The following ATP6AP2 variants were observed in gnomAD, a reference collection of about 807,000 sequenced individuals.
The protein encoded by ATP6AP2 is ATPase H+ transporting accessory protein 2.
In ATP6AP2, 1 loss-of-function variant was observed where a neutral mutation model predicts 23.4. The ratio of observed to expected loss-of-function variants is 0.04; its 90% CI spans 0.02 to 0.20. The LOEUF (loss-of-function observed/expected upper bound fraction) is 0.20, where lower values mean the gene tolerates loss of function less well. Ranked by LOEUF, ATP6AP2 falls within the 10% of genes least tolerant of loss-of-function variation. The pLI is 1.00. For synonymous variants in ATP6AP2, 90 were observed against 97.1 expected, an observed-to-expected ratio of 0.93 and a Z score of 0.43; for missense variants, 174 against 271.3, an observed-to-expected ratio of 0.64 and a Z score of 2.52.
At chrX:40,600,931 T>TAAAAA (rs10590549) in intron 8 of ATP6AP2, 50 bp downstream of exon 8, 62 of 968,396 alleles carry the variant, frequency 6.4e-5, no homozygotes, top group Non-Finnish European at 7.8e-5. Context: ...TAACTTCTTA[T>TAAAAA]AAAAAAAAAA....
At chrX:40,592,866 C>A (rs1174778892) in intron 3 of ATP6AP2, among the ~76,000 whole-genome samples, 1 of 110,392 alleles carries the variant, frequency 9.1e-6, no homozygotes, top group Non-Finnish European at 1.9e-5. Context: ...CAAATCTCAA[C>A]AAACAATAAA....
chrX:40,590,482 G>C (rs1209566874), intron 2 of ATP6AP2: 1 of 111,684 alleles, frequency 9.0e-6, no homozygotes, highest in Non-Finnish European at 1.9e-5. Context: ...AGGTTCAAGA[G>C]ATTCTCCCAC....
chrX:40,597,860 A>G, intron 5 of ATP6AP2, 196 bp downstream of exon 5: 1 of 405,188 alleles, frequency 2.5e-6, no homozygotes, highest in Non-Finnish European at 4.3e-6. Context: ...TACTACTTGA[A>G]ATTTTGGAAA....
chrX:40,599,501 TTTAG>T, intron 6 of ATP6AP2, 87 bp from the exon 7 acceptor site: 5 of 1,061,512 alleles, frequency 4.7e-6, no homozygotes, highest in Non-Finnish European at 6.5e-6. Flanking sequence ...TTTAGCCTAG[TTTAG>T]TTAGGCATAA....
intron 1 of ATP6AP2, among the ~76,000 whole-genome samples, chrX:40,588,541 C>T (rs1926538925): frequency 1.8e-5 from 2 of 111,041 alleles, no homozygotes; most frequent in Non-Finnish European, 3.8e-5. Flanking sequence ...TTAGTCTGTG[C>T]CTGGGCTTTG....
At chrX:40,586,678 T>G (rs990217588) in intron 1 of ATP6AP2, among the ~76,000 whole-genome samples, 8 of 112,099 alleles carry the variant, frequency 7.1e-5, no homozygotes, top group African/African-American at 1.9e-4. Context: ...TGAGGTGGTG[T>G]CCCCATCACT....
intron 1 of ATP6AP2, among the ~76,000 whole-genome samples, chrX:40,582,897 A>G (rs772757580): frequency 1.8e-5 from 2 of 112,180 alleles, no homozygotes; most frequent in Non-Finnish European, 3.8e-5. Flanking sequence ...CCGAGTTCAT[A>G]CAGAACAAGA....
intron 3 of ATP6AP2, among the ~76,000 whole-genome samples, chrX:40,594,085 CA>C (rs200265474): frequency 3.6e-5 from 4 of 110,106 alleles, no homozygotes; most frequent in Non-Finnish European, 7.6e-5. Flanking sequence ...ACTTTTACCA[CA>C]AAAAAAATAT....
chrX:40,589,302 G>A, intron 2 of ATP6AP2, 186 bp downstream of exon 2: 1 of 478,017 alleles, frequency 2.1e-6, no homozygotes, highest in South Asian at 3.7e-5. Flanking sequence ...GGAGGCCGAG[G>A]TGGGAGGCTC....
chrX:40,600,470 G>T (rs1250979600), intron 7 of ATP6AP2: 5 of 165,464 alleles, frequency 3.0e-5, no homozygotes, highest in Admixed American at 7.6e-5. Flanking sequence ...CTTGCTTATT[G>T]TAAGATGTAG....
chrX:40,584,540 G>A (rs1464680689), intron 1 of ATP6AP2, among the ~76,000 whole-genome samples: 1 of 110,453 alleles, frequency 9.1e-6, no homozygotes, highest in African/African-American at 3.3e-5. Context: ...GAATGCAATG[G>A]CATGATCTTG....
In ATP6AP2 at chrX:40,595,657, T is replaced by TCA. The variant is rs1273692239; in HGVS notation, c.301-1592_301-1591insCA. 3.6e-5 allele frequency among the ~76,000 whole-genome samples: 4 copies of TCA among 111,698 alleles called. No individual in the cohort carries two copies. In the Admixed American group the frequency reaches 3.8e-4, roughly 11 times the overall value. ...GGAAAGTTTGCATCATTTGCTCATGTATTCCCCTCACAGCCTGAGGAGGTA... is the reference window on the plus strand; with the variant it reads ...GGAAAGTTTGCATCATTTGCTCATGTCAATTCCCCTCACAGCCTGAGGAGGTA... On this transcript the variant is annotated intron_variant, in intron 3 of 8. Transcript: ENST00000636580.
chrX:40,592,873 TAAAG>T (rs896682651), intron 3 of ATP6AP2, among the ~76,000 whole-genome samples: 1 of 110,618 alleles, frequency 9.0e-6, no homozygotes, highest in African/African-American at 3.3e-5. Flanking sequence ...CAACAAACAA[TAAAG>T]AATCAGTGTC....
At chrX:40,589,156 G>A in intron 2 of ATP6AP2, 40 bp downstream of exon 2, 1 of 1,190,029 alleles carries the variant, frequency 8.4e-7, no homozygotes, top group Non-Finnish European at 1.1e-6. Context: ...CTGCTTTTAA[G>A]AACATTTTTA....
At chrX:40,584,145 C>T (rs1274639207) in intron 1 of ATP6AP2, among the ~76,000 whole-genome samples, 2 of 110,971 alleles carry the variant, frequency 1.8e-5, no homozygotes, top group Non-Finnish European at 3.8e-5. Flanking sequence ...GGTGTGATCA[C>T]AGCTCACTGC....
intron 1 of ATP6AP2, among the ~76,000 whole-genome samples, chrX:40,581,644 C>G (rs763373431): frequency 9.0e-6 from 1 of 111,689 alleles, no homozygotes; most frequent in Non-Finnish European, 1.9e-5. Context: ...TTTCTTAAGG[C>G]GAATACAAAG....
chrX:40,595,200 G>A (rs1043635004), intron 3 of ATP6AP2, among the ~76,000 whole-genome samples: 1 of 112,293 alleles, frequency 8.9e-6, no homozygotes, highest in Non-Finnish European at 1.9e-5. Flanking sequence ...AAGCTGTGCT[G>A]TGTGAGGAGC....
At chrX:40,603,854 T>C (rs1426055874) in intron 8 of ATP6AP2, among the ~76,000 whole-genome samples, 1 of 111,780 alleles carries the variant, frequency 8.9e-6, no homozygotes, top group Non-Finnish European at 1.9e-5. Context: ...GATCCACCTG[T>C]CTGAGCCTCC....
intron 3 of ATP6AP2, among the ~76,000 whole-genome samples, chrX:40,592,702 A>T (rs1404919712): frequency 9.0e-6 from 1 of 111,413 alleles, no homozygotes; most frequent in East Asian, 2.8e-4. Context: ...TAATTTTTAA[A>T]TTTCTAAGTT....
Sources: gnomAD v4.1 joint callset for allele counts (sites outside exome capture counted in the v4.1 genomes callset) on GRCh38, gnomAD v4.1.1 for gene constraint, MANE v1.5 for transcripts, NCBI Gene and HGNC (gene_info 2026-07-23, HGNC 2026-07-21) for gene names.